LRFN5: variants seen among roughly 807,000 people sequenced by gnomAD.
The protein encoded by LRFN5 is leucine rich repeat and fibronectin type III domain containing 5.
In LRFN5, 24 loss-of-function variants were observed where a neutral mutation model predicts 45.6. The ratio of observed to expected loss-of-function variants is 0.53; its 90% CI spans 0.38 to 0.74. LRFN5 has a LOEUF of 0.74. LRFN5 is among the 30% of genes least tolerant of loss of function. The probability of loss-of-function intolerance (pLI) is 0.00; values close to 1 mark genes in which losing one functional copy is unlikely to be tolerated. For synonymous variants in LRFN5, 340 were observed against 313.8 expected (o/e 1.08, Z -0.88); for missense variants, 776 against 861.5 (o/e 0.90, Z 1.24).
At chr14:41,791,063 G>C (rs889943334) in intron 2 of LRFN5, among the ~76,000 whole-genome samples, 1 of 151,506 alleles carries the variant, frequency 6.6e-6, no homozygotes, top group Admixed American at 6.6e-5. Flanking sequence ...ATATTTTGTT[G>C]CTATGCTATT....
chr14:41,784,625 GTGTGTT>G lies in LRFN5; in HGVS notation c.-21+17602_-21+17607del, dbSNP rs927184278. Among the ~76,000 whole-genome samples the G allele has an allele frequency of 3.4e-4, 22 of 65,084 alleles. No individual in the cohort carries two copies. In the East Asian group the frequency reaches 0.027, roughly 80 times the overall value. The allele number at this position is 65,084 out of a possible 152,430, so 42.7% of individuals were successfully genotyped here. On this transcript the variant is annotated intron_variant, in intron 2 of 5. Coordinates refer to ENST00000298119, the MANE Select transcript of LRFN5 (RefSeq NM_152447.5). ...TTTTGAAGCCTGTGTGTGTATGTGT[GTGTGTT>G]TGTGTGTGTGTGTGTGTGACAGAGT... is the stretch of plus-strand genomic sequence containing the variant.
chr14:41,863,460 A>G (rs181752624), intron 2 of LRFN5, among the ~76,000 whole-genome samples: 76 of 152,318 alleles, frequency 5.0e-4, no homozygotes, highest in African/African-American at 1.6e-3. Context: ...GATTTGATAT[A>G]TAGAGATTTT....
At chr14:41,777,590 A>C (rs926701021) in intron 2 of LRFN5, among the ~76,000 whole-genome samples, 2 of 151,860 alleles carry the variant, frequency 1.3e-5, no homozygotes, top group African/African-American at 2.4e-5. Context: ...CTATGAAAAT[A>C]GCACTATTAA....
intron 1 of LRFN5, among the ~76,000 whole-genome samples, chr14:41,628,812 A>G (rs549167958): frequency 1.3e-5 from 2 of 152,226 alleles, no homozygotes; most frequent in African/African-American, 4.8e-5. Flanking sequence ...AAAACAGGAA[A>G]CTTCGTGTGC....
rs1167821700 is a variant in LRFN5, at chr14:41,808,549, T to TGAAGGAAGGAAG, written c.-21+41556_-21+41567dup. On this transcript the variant is annotated intron_variant, in intron 2 of 5. Transcript: ENST00000298119. Reference sequence around the variant, plus strand: ...AGGGATGGAGGAAGGAAGGGAGGGATGAAGGAAGGAAGGAAGGAAGGAAGG... The same window carrying TGAAGGAAGGAAG: ...AGGGATGGAGGAAGGAAGGGAGGGATGAAGGAAGGAAGGAAGGAAGGAAGGAAGGAAGGAAGG... Among the ~76,000 whole-genome samples, 300 of 54,296 alleles carry TGAAGGAAGGAAG rather than the reference T, an allele frequency of 5.5e-3. 8 individuals are homozygous for TGAAGGAAGGAAG. Among genetic ancestry groups the TGAAGGAAGGAAG allele is most frequent in the Middle Eastern group, 0.023 (2 of 88 alleles). The allele number at this position is 54,296 out of a possible 152,430, so 35.6% of individuals were successfully genotyped here.
At chr14:41,648,568 TA>T (rs1393644534) in intron 1 of LRFN5, among the ~76,000 whole-genome samples, 1 of 152,190 alleles carries the variant, frequency 6.6e-6, no homozygotes, top group Non-Finnish European at 1.5e-5. Flanking sequence ...GGATTAATTT[TA>T]AGACATGTAT....
intron 2 of LRFN5, among the ~76,000 whole-genome samples, chr14:41,833,629 T>C (rs1437071736): frequency 6.6e-6 from 1 of 152,256 alleles, no homozygotes; most frequent in African/African-American, 2.4e-5. Context: ...CTGCTGTTAT[T>C]CATATTTGTG....
At chr14:41,843,374 G>T (rs370637099) in intron 2 of LRFN5, among the ~76,000 whole-genome samples, 2 of 151,964 alleles carry the variant, frequency 1.3e-5, no homozygotes, top group African/African-American at 4.8e-5. Flanking sequence ...GATTTCATAC[G>T]TGAGAAAAAC....
At chr14:41,654,336 T>G (rs1370298440) in intron 1 of LRFN5, among the ~76,000 whole-genome samples, 1 of 152,032 alleles carries the variant, frequency 6.6e-6, no homozygotes, top group Non-Finnish European at 1.5e-5. Context: ...GATGTGAGCT[T>G]TGTTCTCAGA....
chr14:41,647,040 T>C (rs1879850107), intron 1 of LRFN5, among the ~76,000 whole-genome samples: 1 of 152,202 alleles, frequency 6.6e-6, no homozygotes, highest in Non-Finnish European at 1.5e-5. Context: ...AGACTGAATG[T>C]TTATATGACA....
intron 1 of LRFN5, among the ~76,000 whole-genome samples, chr14:41,756,779 G>C (rs1002547901): frequency 2.0e-5 from 3 of 152,178 alleles, no homozygotes. Context: ...TCTCCGTCCA[G>C]CTTTGTTCCA....
chr14:41,795,515 T>A (rs1270500621), intron 2 of LRFN5, among the ~76,000 whole-genome samples: 1 of 152,084 alleles, frequency 6.6e-6, no homozygotes, highest in Non-Finnish European at 1.5e-5. Flanking sequence ...AGCAAAGACT[T>A]GGAACCAACC....
chr14:41,782,712 G>T (rs770084562), intron 2 of LRFN5, among the ~76,000 whole-genome samples: 54 of 152,114 alleles, frequency 3.5e-4, no homozygotes, highest in African/African-American at 8.4e-4. Context: ...CTAGTTGAAG[G>T]TGCCAGAGGC....
chr14:41,802,330 A>C (rs770078773), intron 2 of LRFN5, among the ~76,000 whole-genome samples: 4 of 152,138 alleles, frequency 2.6e-5, no homozygotes, highest in African/African-American at 9.7e-5. Context: ...AAGAGAAAAC[A>C]TCAGAGGCAG....
chr14:41,761,203 T>C (rs981042384), intron 1 of LRFN5, among the ~76,000 whole-genome samples: 2 of 151,582 alleles, frequency 1.3e-5, no homozygotes, highest in Non-Finnish European at 2.9e-5. Flanking sequence ...ATTTAAATAC[T>C]AATGGACAAA....
At chr14:41,659,169 A>G (rs1880515154) in intron 1 of LRFN5, among the ~76,000 whole-genome samples, 1 of 151,958 alleles carries the variant, frequency 6.6e-6, no homozygotes, top group Admixed American at 6.6e-5. Context: ...CATCATCTAC[A>G]TTAGGTATTT....
Position 41,856,682 on chromosome 14 carries a change from T to A in LRFN5, c.-20-29924T>A, listed in dbSNP as rs1418519578. 7.6e-4 allele frequency among the ~76,000 whole-genome samples: 50 copies of A among 66,100 alleles called. 2 individuals are homozygous for A. The highest frequency in any genetic ancestry group is 2.3e-3 in the African/African-American group (44 of 19,250). 43.4% of individuals were successfully genotyped at this position (66,100 alleles called of 152,430 possible). A position where few individuals can be genotyped will look rare whatever the true frequency, so the allele number is the denominator to read the frequency against. ...CTAATTATTATTATTATTATTTTTT[T>A]TTTTTTTTTTTTGAGACGGAGTCTC... is the stretch of plus-strand genomic sequence containing the variant. On this transcript the variant is annotated intron_variant, in intron 2 of 5. Coordinates refer to ENST00000298119, the MANE Select transcript of LRFN5 (RefSeq NM_152447.5).
rs531068518 is a variant in LRFN5, at chr14:41,782,100, T to C, written c.-21+15071T>C. Among the ~76,000 whole-genome samples, 13 of 152,168 alleles carry C rather than the reference T, an allele frequency of 8.5e-5. No individual in the cohort carries two copies. In the East Asian group the frequency reaches 2.1e-3, roughly 25 times the overall value. Reference sequence around the variant, plus strand: ...AAAAAATTATTGGTTATTATTATTATTTTAAATATTTTCCTACTCCATTAT... The same window carrying C: ...AAAAAATTATTGGTTATTATTATTACTTTAAATATTTTCCTACTCCATTAT... On this transcript the variant is annotated intron_variant, in intron 2 of 5. Coordinates refer to ENST00000298119, the MANE Select transcript of LRFN5 (RefSeq NM_152447.5).
chr14:41,794,972 T>C (rs920832710), intron 2 of LRFN5, among the ~76,000 whole-genome samples: 2 of 151,750 alleles, frequency 1.3e-5, no homozygotes, highest in African/African-American at 4.8e-5. Context: ...TAGATCTATG[T>C]TATGCATATG....
Sources: gnomAD v4.1 joint callset for allele counts (sites outside exome capture counted in the v4.1 genomes callset) on GRCh38, gnomAD v4.1.1 for gene constraint, MANE v1.5 for transcripts, NCBI Gene and HGNC (gene_info 2026-07-23, HGNC 2026-07-21) for gene names.